The following NR3C2 variants were observed in gnomAD, a reference collection of about 807,000 sequenced individuals.
The protein encoded by NR3C2 is nuclear receptor subfamily 3 group C member 2, also known as mineralocorticoid receptor.
Under a neutral mutation model 86.4 loss-of-function variants are expected in NR3C2, and 15 were observed. The ratio of observed to expected loss-of-function variants is 0.17; its 90% CI spans 0.12 to 0.27. NR3C2 has a LOEUF of 0.27. Ranked by LOEUF, NR3C2 falls within the 10% of genes least tolerant of loss-of-function variation. The pLI, the probability that NR3C2 is intolerant of heterozygous loss-of-function variation, is 1.00. For synonymous variants in NR3C2, 458 were observed against 450.5 expected (o/e 1.02, Z -0.21); for missense variants, 960 against 1,195.6 (o/e 0.80, Z 2.91).
intron 4 of NR3C2, among the ~76,000 whole-genome samples, chr4:148,179,570 G>C (rs917217135): frequency 4.0e-5 from 6 of 151,718 alleles, no homozygotes; most frequent in African/African-American, 1.4e-4. Flanking sequence ...ATGAACATTG[G>C]CATTCAATGC....
intron 2 of NR3C2, among the ~76,000 whole-genome samples, chr4:148,367,046 T>C (rs1209897366): frequency 6.6e-6 from 1 of 152,194 alleles, no homozygotes; most frequent in Non-Finnish European, 1.5e-5. Context: ...GAAAGAGGTG[T>C]GTTACACTCT....
chr4:148,370,358 A>AGGATAATTC (rs1024877912), intron 2 of NR3C2, among the ~76,000 whole-genome samples: 1 of 152,220 alleles, frequency 6.6e-6, no homozygotes, highest in African/African-American at 2.4e-5. Context: ...CACATCAGTT[A>AGGATAATTC]GGATAATTCA....
intron 3 of NR3C2, among the ~76,000 whole-genome samples, chr4:148,239,836 GAC>G (rs1738930955): frequency 6.6e-6 from 1 of 152,144 alleles, no homozygotes; most frequent in Non-Finnish European, 1.5e-5. Context: ...AGTTTTTGTG[GAC>G]ACATTTTCAA....
At chr4:148,243,307 G>A (rs1739155538) in intron 3 of NR3C2, among the ~76,000 whole-genome samples, 1 of 152,116 alleles carries the variant, frequency 6.6e-6, no homozygotes, top group Non-Finnish European at 1.5e-5. Context: ...GGGATTACAG[G>A]TATGAACCAC....
chr4:148,231,375 C>T (rs1238632112), intron 3 of NR3C2, among the ~76,000 whole-genome samples: 1 of 152,138 alleles, frequency 6.6e-6, no homozygotes, highest in Non-Finnish European at 1.5e-5. Context: ...AGCTCTGTTC[C>T]AGATCACCAC....
intron 2 of NR3C2, among the ~76,000 whole-genome samples, chr4:148,282,349 C>T (rs1237770978): frequency 7.9e-5 from 12 of 152,082 alleles, no homozygotes; most frequent in Admixed American, 3.3e-4. Context: ...CTGAGTATCT[C>T]TTATAGATTA....
chr4:148,190,507 G>A (rs1736144794), intron 4 of NR3C2, among the ~76,000 whole-genome samples: 2 of 152,202 alleles, frequency 1.3e-5, no homozygotes, highest in Non-Finnish European at 2.9e-5. Flanking sequence ...TGTGTATTCT[G>A]CAGTTGCTGG....
chr4:148,090,393 G>T lies in NR3C2; in HGVS notation c.2800-8894C>A, dbSNP rs185636624. Among the ~76,000 whole-genome samples, 282 of 152,314 alleles carry T rather than the reference G, an allele frequency of 1.9e-3. 4 individuals carry two copies. Among genetic ancestry groups the T allele is most frequent in the Non-Finnish European group, 1.2e-3 (85 of 68,034 alleles). ...CTAGGGAGTTCCTGAAGAGTGGAGA[G>T]GCCTGCCAGCCTACCGACTGACATC... On this transcript the variant is annotated intron_variant, in intron 8 of 8. Coordinates refer to ENST00000358102, the MANE Select transcript of NR3C2 (RefSeq NM_000901.5).
chr4:148,195,708 G>A (rs1242254820), intron 3 of NR3C2, among the ~76,000 whole-genome samples: 4 of 152,200 alleles, frequency 2.6e-5, no homozygotes, highest in Non-Finnish European at 5.9e-5. Context: ...GGACATCTGG[G>A]GAAGAACATA....
intron 2 of NR3C2, among the ~76,000 whole-genome samples, chr4:148,314,891 T>C (rs184577927): frequency 6.6e-6 from 1 of 152,258 alleles, no homozygotes; most frequent in East Asian, 1.9e-4. Context: ...ATGATAAATA[T>C]GTTTATAGTT....
chr4:148,319,182 G>A (rs932914731), intron 2 of NR3C2, among the ~76,000 whole-genome samples: 10 of 151,800 alleles, frequency 6.6e-5, no homozygotes, highest in African/African-American at 2.4e-4. Flanking sequence ...AGATCAGATA[G>A]TTGTAGATAT....
chr4:148,275,433 T>C (rs964813134), intron 2 of NR3C2, among the ~76,000 whole-genome samples: 3 of 151,870 alleles, frequency 2.0e-5, no homozygotes, highest in African/African-American at 7.3e-5. Context: ...TCTTATCTTA[T>C]CTTTTTTTTT....
chr4:148,255,687 T>A (rs1358086223), intron 3 of NR3C2, among the ~76,000 whole-genome samples: 2 of 152,208 alleles, frequency 1.3e-5, no homozygotes, highest in Admixed American at 1.3e-4. Flanking sequence ...ACATACTGAG[T>A]CTTCAAAAAG....
intron 2 of NR3C2, among the ~76,000 whole-genome samples, chr4:148,300,404 G>C (rs76832033): frequency 8.1e-4 from 124 of 152,310 alleles, no homozygotes; most frequent in African/African-American, 2.9e-3. Context: ...CACAGCTAAA[G>C]TCAGGTAGAA....
chr4:148,101,624 T>C (rs1027877416), intron 8 of NR3C2, among the ~76,000 whole-genome samples: 12 of 152,342 alleles, frequency 7.9e-5, no homozygotes, highest in East Asian at 3.9e-4. Flanking sequence ...TATATACACA[T>C]ATATGCATAC....
At chr4:148,164,528 C>T (rs1319005513) in intron 4 of NR3C2, among the ~76,000 whole-genome samples, 1 of 151,926 alleles carries the variant, frequency 6.6e-6, no homozygotes, top group Non-Finnish European at 1.5e-5. Flanking sequence ...GTAAAACAAA[C>T]AAGCAAAAAA....
intron 6 of NR3C2, among the ~76,000 whole-genome samples, chr4:148,149,105 AG>A (rs1347028992): frequency 1.3e-5 from 2 of 152,206 alleles, no homozygotes; most frequent in African/African-American, 4.8e-5. Flanking sequence ...TATCCACCCT[AG>A]CCCCTTGAAA....
At chr4:148,323,601 G>C (rs973631734) in intron 2 of NR3C2, among the ~76,000 whole-genome samples, 7 of 151,978 alleles carry the variant, frequency 4.6e-5, no homozygotes, top group African/African-American at 1.7e-4. Flanking sequence ...TTTTCAGCCC[G>C]TCGGAAAAGC....
At chr4:148,293,298 G>A (rs1203068067) in intron 2 of NR3C2, among the ~76,000 whole-genome samples, 1 of 152,158 alleles carries the variant, frequency 6.6e-6, no homozygotes, top group Non-Finnish European at 1.5e-5. Context: ...ACTTGGGCAT[G>A]TGCAGGGAAA....
Sources: gnomAD v4.1 joint callset for allele counts (sites outside exome capture counted in the v4.1 genomes callset) on GRCh38, gnomAD v4.1.1 for gene constraint, MANE v1.5 for transcripts, NCBI Gene and HGNC (gene_info 2026-07-23, HGNC 2026-07-21) for gene names.